Variants in INTS9 observed in about 807,000 individuals in gnomAD.
The protein encoded by INTS9 is integrator complex subunit 9, also known as protein related to CPSF subunits of 74 kDa.
INTS9 carries 55 observed loss-of-function variants against 79.7 expected under a neutral mutation model. The ratio of observed to expected loss-of-function variants is 0.69; its 90% confidence interval spans 0.56 to 0.86. The LOEUF (loss-of-function observed/expected upper bound fraction) is 0.86. INTS9 is among the 40% of genes least tolerant of loss of function. The pLI is 0.00. For synonymous variants in INTS9, 319 were observed against 325.2 expected (o/e 0.98, Z 0.20); for missense variants, 721 against 831.5 (o/e 0.87, Z 1.64).
At chr8:28,886,006 A>G (rs1032702494) in intron 1 of INTS9, among the ~76,000 whole-genome samples, 4 of 152,328 alleles carry the variant, frequency 2.6e-5, no homozygotes, top group Admixed American at 2.0e-4. Context: ...TAAGAAGGAG[A>G]TACCCAAGTA....
At chr8:28,817,638 G>T (rs1420758733) in intron 6 of INTS9, among the ~76,000 whole-genome samples, 2 of 152,034 alleles carry the variant, frequency 1.3e-5, no homozygotes, top group East Asian at 3.9e-4. Context: ...GGTGATGTGG[G>T]CTCTTTTTTG....
intron 16 of INTS9, among the ~76,000 whole-genome samples, chr8:28,769,254 T>G (rs908904344): frequency 2.0e-5 from 3 of 152,246 alleles, no homozygotes; most frequent in African/African-American, 7.2e-5. Context: ...TGTAATTTGT[T>G]GCAGTTCTTG....
intron 6 of INTS9, among the ~76,000 whole-genome samples, chr8:28,835,019 G>C (rs1321303956): frequency 6.6e-6 from 1 of 152,140 alleles, no homozygotes; most frequent in African/African-American, 2.4e-5. Flanking sequence ...ACTGTTAACT[G>C]ACCTGTTGAG....
At chr8:28,844,760 G>A (rs1290069315) in intron 4 of INTS9, among the ~76,000 whole-genome samples, 1 of 152,168 alleles carries the variant, frequency 6.6e-6, no homozygotes, top group East Asian at 1.9e-4. Flanking sequence ...AGGTTGCAAT[G>A]AGCCAAGATG....
chr8:28,844,083 T>G (rs1807354140), intron 4 of INTS9, among the ~76,000 whole-genome samples: 1 of 152,200 alleles, frequency 6.6e-6, no homozygotes, highest in Non-Finnish European at 1.5e-5. Flanking sequence ...AAGCGGATAC[T>G]TGAGCTCCCC....
At chr8:28,796,727 A>C in intron 8 of INTS9, 72 bp from the exon 9 acceptor site, 1 of 928,552 alleles carries the variant, frequency 1.1e-6, no homozygotes, top group South Asian at 1.3e-5. Context: ...AAAGAATACG[A>C]GAACACAGAC....
intron 5 of INTS9, 88 bp from the exon 6 acceptor site, chr8:28,835,466 T>C: frequency 1.6e-5 from 10 of 638,706 alleles, no homozygotes; most frequent in South Asian, 4.2e-5. Context: ...AGAAATGACT[T>C]GCCCACCTCC....
At chr8:28,819,007 AT>A (rs1805667932) in intron 6 of INTS9, among the ~76,000 whole-genome samples, 1 of 151,970 alleles carries the variant, frequency 6.6e-6, no homozygotes, top group African/African-American at 2.4e-5. Flanking sequence ...TATCCCCTTT[AT>A]CATTTTTTAT....
At chr8:28,818,632 G>T (rs1210799019) in intron 6 of INTS9, among the ~76,000 whole-genome samples, 2 of 149,896 alleles carry the variant, frequency 1.3e-5, no homozygotes, top group East Asian at 3.9e-4. Flanking sequence ...TTGTGTCTCT[G>T]CCCGGCTTTG....
chr8:28,769,085 C>T (rs933761271), intron 16 of INTS9, among the ~76,000 whole-genome samples: 14 of 152,138 alleles, frequency 9.2e-5, no homozygotes, highest in South Asian at 2.1e-4. Flanking sequence ...GGAAGAGAGC[C>T]GCAACCACCC....
At chr8:28,885,157 A>G (rs1290443264) in intron 1 of INTS9, among the ~76,000 whole-genome samples, 1 of 152,256 alleles carries the variant, frequency 6.6e-6, no homozygotes, top group Non-Finnish European at 1.5e-5. Flanking sequence ...TTGAGCCAGT[A>G]GAAATGAAAC....
intron 10 of INTS9, among the ~76,000 whole-genome samples, chr8:28,793,214 C>A (rs1351779260): frequency 5.9e-5 from 9 of 152,176 alleles, no homozygotes; most frequent in Admixed American, 3.9e-4. Flanking sequence ...CATTCTAAGG[C>A]ACCACTGGGG....
At chr8:28,798,132 G>A (rs1218132017) in intron 8 of INTS9, 2 of 152,232 alleles carry the variant, frequency 1.3e-5, no homozygotes, top group African/African-American at 4.8e-5. Flanking sequence ...ACACAAATAT[G>A]TAAGAGCTTT....
At chr8:28,860,872 C>A (rs1295461365) in intron 1 of INTS9, among the ~76,000 whole-genome samples, 2 of 152,344 alleles carry the variant, frequency 1.3e-5, no homozygotes, top group East Asian at 3.9e-4. Flanking sequence ...TAGGCTAAGT[C>A]TTTCCAGGTA....
chr8:28,853,413 C>CAA (rs570960293), intron 2 of INTS9, among the ~76,000 whole-genome samples: 82 of 87,392 alleles, frequency 9.4e-4, no homozygotes, highest in African/African-American at 2.9e-3. Context: ...AACTCCATCT[C>CAA]AAAAAAAAAA....
intron 6 of INTS9, among the ~76,000 whole-genome samples, chr8:28,825,035 C>A (rs1379042372): frequency 6.6e-6 from 1 of 152,192 alleles, no homozygotes; most frequent in African/African-American, 2.4e-5. Flanking sequence ...GGACTCCACC[C>A]CAGGGTGATT....
chr8:28,826,276 T>C (rs1369362351), intron 6 of INTS9, among the ~76,000 whole-genome samples: 5 of 152,006 alleles, frequency 3.3e-5, no homozygotes, highest in Non-Finnish European at 7.4e-5. Flanking sequence ...GTGCCCAATA[T>C]AAATGACACT....
chr8:28,818,895 C>T (rs1303325505), intron 6 of INTS9, among the ~76,000 whole-genome samples: 12 of 150,038 alleles, frequency 8.0e-5, no homozygotes, highest in South Asian at 2.1e-4. Flanking sequence ...GTGTATGTGT[C>T]GAGGAATTTA....
At chr8:28,804,728 G>C (rs1352011818) in intron 8 of INTS9, among the ~76,000 whole-genome samples, 1 of 152,182 alleles carries the variant, frequency 6.6e-6, no homozygotes, top group African/African-American at 2.4e-5. Context: ...TATCCCCACA[G>C]GGAGAATTAG....
Sources: allele counts gnomAD v4.1 joint callset (sites outside exome capture counted in the v4.1 genomes callset), GRCh38; gene constraint gnomAD v4.1.1; transcripts MANE v1.5; gene names NCBI Gene and HGNC (gene_info 2026-07-23, HGNC 2026-07-21).